The following PRKAG2 variants were observed in gnomAD, a reference collection of about 807,000 sequenced individuals.
PRKAG2 encodes the protein 5'-AMP-activated protein kinase subunit gamma-2.
Under a neutral mutation model 69.6 loss-of-function variants are expected in PRKAG2, and 26 were observed. The ratio of observed to expected loss-of-function variants is 0.37; its 90% CI spans 0.27 to 0.52. The LOEUF (loss-of-function observed/expected upper bound fraction) is 0.52. Among genes scored for constraint, PRKAG2 ranks in the 20% least tolerant of loss-of-function variants. PRKAG2 has a pLI of 0.90. For missense variants in PRKAG2, 557 were observed against 740.0 expected (o/e 0.75, Z 2.87); for synonymous variants, 293 against 285.0 (o/e 1.03, Z -0.28).
At chr7:151,792,058 A>C (rs763643053) in intron 1 of PRKAG2, among the ~76,000 whole-genome samples, 2 of 152,228 alleles carry the variant, frequency 1.3e-5, no homozygotes, top group African/African-American at 2.4e-5. Context: ...TTTCTATGAA[A>C]CTTTACCACC....
intron 1 of PRKAG2, among the ~76,000 whole-genome samples, chr7:151,800,045 A>G (rs978479122): frequency 6.6e-6 from 1 of 151,798 alleles, no homozygotes; most frequent in Non-Finnish European, 1.5e-5. Context: ...TTTCTGCCTA[A>G]CCAGCTGTGT....
rs1219009282 is a variant in PRKAG2, at chr7:151,875,995, AG to A, written c.114+511del. 7.9e-5 allele frequency among the ~76,000 whole-genome samples: 12 copies of A among 151,504 alleles called. No individual in the cohort carries two copies. The South Asian group carries it at 2.3e-3, about 29-fold the overall frequency. On this transcript the variant is annotated intron_variant, in intron 1 of 15. Transcript: ENST00000287878. ...AACGCCCGGAGAGAAACTGGAGCGG[AG>A]GGGGTGCATTGGAAGACGCAGCTAC...
intron 1 of PRKAG2, among the ~76,000 whole-genome samples, chr7:151,824,496 T>A (rs950900718): frequency 1.3e-5 from 2 of 152,202 alleles, no homozygotes; most frequent in Non-Finnish European, 2.9e-5. Context: ...GAGATCCTAG[T>A]AGCCTCTGTG....
At chr7:151,863,590 C>A (rs1055506349) in intron 1 of PRKAG2, among the ~76,000 whole-genome samples, 2 of 152,186 alleles carry the variant, frequency 1.3e-5, no homozygotes, top group African/African-American at 4.8e-5. Context: ...ACAAAGGCCA[C>A]TGGAGGGCAG....
intron 1 of PRKAG2, among the ~76,000 whole-genome samples, chr7:151,800,137 C>T (rs1397583262): frequency 3.3e-5 from 5 of 151,920 alleles, no homozygotes; most frequent in African/African-American, 1.2e-4. Context: ...GTGGGCGGAT[C>T]ATGAGGTCAG....
At chr7:151,823,799 G>T (rs758067823) in intron 1 of PRKAG2, among the ~76,000 whole-genome samples, 1 of 152,076 alleles carries the variant, frequency 6.6e-6, no homozygotes, top group Admixed American at 6.5e-5. Flanking sequence ...GTCCACCCCT[G>T]GCTAAATCAT....
At chr7:151,607,816 TGTTCTC>T (rs1334120589) in intron 5 of PRKAG2, among the ~76,000 whole-genome samples, 3 of 152,196 alleles carry the variant, frequency 2.0e-5, no homozygotes, top group Non-Finnish European at 2.9e-5. Context: ...GTGCCTTCCC[TGTTCTC>T]CTATGGTCAC....
In PRKAG2 at chr7:151,595,325, T is replaced by A. The variant is rs370643442; in HGVS notation, c.864+20A>T. ...CATCCAAAAAATACCAAAAAATTCA[T>A]GAAAATGGAGTACACTTACTTGTAA... On this transcript the variant is annotated intron_variant, in intron 6 of 15. Coordinates refer to ENST00000287878, the MANE Select transcript of PRKAG2 (RefSeq NM_016203.4). 1.3e-6 allele frequency: 2 copies of A among 1,583,730 alleles called. No individual in the cohort carries two copies. The highest frequency in any genetic ancestry group is 1.7e-6 in the Non-Finnish European group (2 of 1,153,510).
At chr7:151,837,947 T>G (rs1364600819) in intron 1 of PRKAG2, among the ~76,000 whole-genome samples, 6 of 152,076 alleles carry the variant, frequency 3.9e-5, no homozygotes, top group Non-Finnish European at 8.8e-5. Context: ...GAAAGGACAC[T>G]GGAGCAGGCC....
rs1019397731 is a variant in PRKAG2 at position 151,632,180 on chromosome 7, C to G, written c.685-42G>C. 5 of 1,253,074 alleles carry G rather than the reference C, an allele frequency of 4.0e-6. No individual in the cohort carries two copies. The African/African-American group carries it at 7.8e-5, about 20-fold the overall frequency. 77.6% of individuals were successfully genotyped at this position (1,253,074 alleles called of 1,614,324 possible). On this transcript the variant is annotated intron_variant, in intron 4 of 15. Transcript: ENST00000287878. The surrounding 1 kb of genome is among the most constrained non-coding windows in gnomAD (Gnocchi z 4.2). ...GGACAGCGATCAGCATGAGCTGCGA[C>G]GCTCGTCCCCGGCCGGCGGGCTCGC...
At chr7:151,822,174 A>C (rs34498984) in intron 1 of PRKAG2, among the ~76,000 whole-genome samples, 47,845 of 152,106 alleles carry the variant, frequency 0.31, 8,185 homozygotes, top group Middle Eastern at 0.4. Context: ...AGAAACAGAC[A>C]CCTGCAGCCT....
chr7:151,653,600 G>GGT (rs1828898718), intron 4 of PRKAG2, among the ~76,000 whole-genome samples: 1 of 152,196 alleles, frequency 6.6e-6, no homozygotes, highest in African/African-American at 2.4e-5. Flanking sequence ...CCAGCACTTT[G>GGT]TGAGTCTGAG....
chr7:151,703,866 A>ACACACACACG (rs1838144740), intron 3 of PRKAG2, among the ~76,000 whole-genome samples: 1 of 123,292 alleles, frequency 8.1e-6, no homozygotes, highest in Non-Finnish European at 1.7e-5. Context: ...ACACACACAC[A>ACACACACACG]CACACACACA....
chr7:151,639,305 T>C (rs981702305), intron 4 of PRKAG2, among the ~76,000 whole-genome samples: 1 of 152,258 alleles, frequency 6.6e-6, no homozygotes, highest in African/African-American at 2.4e-5. Flanking sequence ...GCCGGGCAGC[T>C]TGAGCTCCTC....
At chr7:151,643,235 TAAA>T (rs919683673) in intron 4 of PRKAG2, among the ~76,000 whole-genome samples, 2 of 152,126 alleles carry the variant, frequency 1.3e-5, no homozygotes, top group African/African-American at 2.4e-5. Context: ...ACATTGCAAA[TAAA>T]AAAATAAGTA....
At chr7:151,594,827 T>G (rs1814071236) in intron 6 of PRKAG2, among the ~76,000 whole-genome samples, 1 of 151,562 alleles carries the variant, frequency 6.6e-6, no homozygotes, top group Non-Finnish European at 1.5e-5. Context: ...TGAGATGGAG[T>G]CTCACTCTGT....
In PRKAG2 at chr7:151,783,837, G is replaced by A. The variant is rs114012373; in HGVS notation, c.187-2406C>T. On this transcript the variant is annotated intron_variant, in intron 2 of 15. Coordinates refer to ENST00000287878, the MANE Select transcript of PRKAG2 (RefSeq NM_016203.4). ...GGAGGATCACTTGAGCCCCAGAGAT[G>A]GAGGTGGAGGTTGCAGTGAGCAAGG... 9.7e-3 allele frequency among the ~76,000 whole-genome samples: 1,448 copies of A among 149,750 alleles called. 27 individuals are homozygous for A. Among genetic ancestry groups the A allele is most frequent in the African/African-American group, 0.033 (1,352 of 40,472 alleles).
intron 6 of PRKAG2, 30 bp from the exon 7 acceptor site, chr7:151,576,482 C>T (rs372587676): frequency 5.9e-6 from 9 of 1,526,786 alleles, no homozygotes; most frequent in Non-Finnish European, 8.2e-6. Flanking sequence ...ACAAAACATA[C>T]TTTCAAAGTC....
intron 1 of PRKAG2, among the ~76,000 whole-genome samples, chr7:151,829,477 G>T (rs1016885431): frequency 6.6e-6 from 1 of 151,966 alleles, no homozygotes; most frequent in Non-Finnish European, 1.5e-5. Flanking sequence ...TGCCTCAAAA[G>T]TTAAATGTAA....
Sources: gnomAD v4.1 joint callset for allele counts (sites outside exome capture counted in the v4.1 genomes callset) on GRCh38, gnomAD v4.1.1 for gene constraint, Gnocchi (gnomAD v3.1) non-coding constraint, MANE v1.5 for transcripts, NCBI Gene and HGNC (gene_info 2026-07-23, HGNC 2026-07-21) for gene names.